P3H4: variants seen among roughly 807,000 people sequenced by gnomAD.
P3H4 encodes endoplasmic reticulum protein SC65.
Under a neutral mutation model 52.9 loss-of-function variants are expected in P3H4, and 47 were observed. That is an observed-to-expected ratio of 0.89 (90% CI 0.70 to 1.13). The LOEUF is 1.13. Ranked by LOEUF, P3H4 falls within the 50% of genes most tolerant of loss-of-function variation. The pLI, the probability that P3H4 is intolerant of heterozygous loss-of-function variation, is 0.00. For missense variants in P3H4, 585 were observed against 611.0 expected, an observed-to-expected ratio of 0.96 and a Z score of 0.45; for synonymous variants, 256 against 267.9, an observed-to-expected ratio of 0.96 and a Z score of 0.44.
rs1161614483 is a variant in P3H4, at chr17:41,811,189, C to T, written c.558G>A (p.Gln186=). Residue 186 remains glutamine (Q), a synonymous_variant, in exon 2 of 8, where the codon CAG becomes CAA. Transcript: ENST00000393928. The surrounding 1 kb of genome is among the most constrained non-coding windows in gnomAD (Gnocchi z 4.8). ...ACTCGTCGGCGACGTCCAGCATCCC[C>T]TGATAGTAGTTGAGATACTTGGCGG... is the stretch of plus-strand genomic sequence containing the variant. ...ELTAKYLNYY[Q]GMLDVADESL... 3 of 1,614,096 alleles carry T rather than the reference C, an allele frequency of 1.9e-6. No homozygotes were observed. Among genetic ancestry groups the T allele is most frequent in the East Asian group, 4.5e-5 (2 of 44,888 alleles).
rs782716134 is a variant in P3H4 at position 41,803,393 on chromosome 17, C to T, written c.1185G>A (p.Glu395=). ...CAAACTCGGCGTCAGATAGGGCATC[C>T]TCAGGCTCCAGGGGCGGTTCTGTCT... ...LEETEPPLEP[E]DALSDAEFEG... The change falls in exon 7 of 8, where the codon GAG becomes GAA. Residue 395 remains glutamate (E), a synonymous_variant. Transcript: ENST00000393928. 1 of 1,613,900 alleles carries T rather than the reference C, an allele frequency of 6.2e-7. No individual in the cohort carries two copies. Among genetic ancestry groups the T allele is most frequent in the Admixed American group, 1.7e-5 (1 of 60,000 alleles).
Position 41,802,877 on chromosome 17 carries a change from C to A in P3H4, c.*80G>T, listed in dbSNP as rs2047632202. ...CATCTTAAGTTTTTAATAAATAGTT[C>A]TTGCTGCTGCCCAGGCTGGTGAGGG... On this transcript the variant is annotated 3_prime_UTR_variant, in exon 8 of 8. Transcript: ENST00000393928. 4.1e-6 allele frequency: 6 copies of A among 1,457,434 alleles called. No individual in the cohort carries two copies. The highest frequency in any genetic ancestry group is 5.7e-6 in the Non-Finnish European group (6 of 1,046,606). The allele number at this position is 1,457,434 out of a possible 1,614,324, so 90.3% of individuals were successfully genotyped here. A position where few individuals can be genotyped will look rare whatever the true frequency, so the allele number is the denominator to read the frequency against.
chr17:41,802,786 A>C lies in P3H4; in HGVS notation c.*171T>G. On this transcript the variant is annotated 3_prime_UTR_variant, in exon 8 of 8. Transcript: ENST00000393928. ...AGGCTGGTCTTGAACTCCTGGCCTC[A>C]AGTGATCCACCCACCTTGGCCTCCC... The C allele has an allele frequency of 1.6e-6, 1 of 638,508 alleles. No individual in the cohort carries two copies. The allele number at this position is 638,508 out of a possible 1,614,324, so 39.6% of individuals were successfully genotyped here.
At chr17:41,810,664 C>T in intron 3 of P3H4, 199 bp downstream of exon 3, 1 of 607,036 alleles carries the variant, frequency 1.6e-6, no homozygotes, top group Non-Finnish European at 2.8e-6. Context: ...TTAGGGATGT[C>T]ACTGCCTCTA....
intron 5 of P3H4, 114 bp from the exon 6 acceptor site, chr17:41,806,993 A>C (rs1555614286): frequency 6.7e-6 from 5 of 742,288 alleles, no homozygotes; most frequent in Non-Finnish European, 1.2e-5. Context: ...CAAGGATCAG[A>C]GAATAGGTAT....
chr17:41,807,064 A>G (rs2047681752), intron 5 of P3H4, 185 bp from the exon 6 acceptor site: 4 of 582,166 alleles, frequency 6.9e-6, no homozygotes, highest in Non-Finnish European at 6.1e-6. Flanking sequence ...GGATTCTGAG[A>G]GTTTGGTGAC....
Position 41,811,365 on chromosome 17 carries a change from T to A in P3H4, c.463-81A>T, listed in dbSNP as rs1555615107. ...CCGAGCGCACGGCGGGCTTCGTGCC[T>A]TGGGTGAAGATAACGCTCCTTCGAC... On this transcript the variant is annotated intron_variant, in intron 1 of 7. Transcript: ENST00000393928. The surrounding 1 kb of genome is among the most constrained non-coding windows in gnomAD (Gnocchi z 4.8). 1 of 1,605,254 alleles carries A rather than the reference T, an allele frequency of 6.2e-7. No homozygotes were observed. The highest frequency in any genetic ancestry group is 8.5e-7 in the Non-Finnish European group (1 of 1,174,486).
intron 7 of P3H4, 35 bp from the exon 8 acceptor site, chr17:41,803,014 C>T (rs2047634266): frequency 1.2e-6 from 2 of 1,605,226 alleles, no homozygotes; most frequent in East Asian, 4.5e-5. Flanking sequence ...GGGGTTGCTC[C>T]CCCACCCACT....
At chr17:41,804,632 C>T (rs2144014042) in intron 6 of P3H4, among the ~76,000 whole-genome samples, 1 of 147,494 alleles carries the variant, frequency 6.8e-6, no homozygotes, top group East Asian at 2.1e-4. Flanking sequence ...GGCTGTCATT[C>T]ACTGTGCACC....
At chr17:41,803,940 G>C (rs1409825195) in intron 6 of P3H4, among the ~76,000 whole-genome samples, 1 of 151,360 alleles carries the variant, frequency 6.6e-6, no homozygotes, top group Non-Finnish European at 1.5e-5. Flanking sequence ...ACGTGAAAGG[G>C]ACCATGACTT....
At chr17:41,808,071 T>A (rs1328429309) in intron 4 of P3H4, 67 bp from the exon 5 acceptor site, 1 of 1,563,642 alleles carries the variant, frequency 6.4e-7, no homozygotes, top group African/African-American at 1.4e-5. Flanking sequence ...CATCTTCCAG[T>A]TCAGTCCAGC....
Position 41,802,483 on chromosome 17 carries a change from C to G in P3H4, c.*474G>C, listed in dbSNP as rs1300208208. The G allele has an allele frequency of 6.0e-6, 1 of 166,746 alleles. No homozygotes were observed. Among genetic ancestry groups the G allele is most frequent in the East Asian group, 1.9e-4 (1 of 5,226 alleles). The allele number at this position is 166,746 out of a possible 1,614,324, so 10.3% of individuals were successfully genotyped here. A position where few individuals can be genotyped will look rare whatever the true frequency, so the allele number is the denominator to read the frequency against. ...GTTTCACCATGTTGGCCAGGCTGGT[C>G]TTGAACTCCTGACCTCAAGTGATCG... On this transcript the variant is annotated 3_prime_UTR_variant, in exon 8 of 8. Transcript: ENST00000393928.
chr17:41,803,265 C>T (rs782217024), intron 7 of P3H4, 22 bp downstream of exon 7: 1 of 1,606,638 alleles, frequency 6.2e-7, no homozygotes, highest in Non-Finnish European at 8.5e-7. Flanking sequence ...ATCCCCACCC[C>T]CCAAGGACTC....
At chr17:41,809,656 T>C (rs782558651) in intron 4 of P3H4, 50 bp downstream of exon 4, 1 of 1,595,298 alleles carries the variant, frequency 6.3e-7, no homozygotes, top group African/African-American at 1.3e-5. Context: ...TACAGTCCTC[T>C]CCCTTATCAC....
In P3H4 at chr17:41,807,967, G is replaced by A. The variant is rs782218299; in HGVS notation, c.954C>T (p.Ser318=). ...DVRQAARSAA[S]YMLFDPKDSV... Reference sequence around the variant, plus strand: ...TGTCCTTGGGGTCGAAGAGCATGTAGCTGGCGGCGCTGCGGGCAGCCTGGC... The same window carrying A: ...TGTCCTTGGGGTCGAAGAGCATGTAACTGGCGGCGCTGCGGGCAGCCTGGC... Residue 318 remains serine (S), a synonymous_variant, in exon 5 of 8, where the codon AGC becomes AGT. Transcript: ENST00000393928. 6.2e-7 allele frequency: 1 copy of A among 1,614,124 alleles called. No homozygotes were observed. Among genetic ancestry groups the A allele is most frequent in the South Asian group, 1.1e-5 (1 of 91,076 alleles).
chr17:41,808,116 A>G (rs781905854), intron 4 of P3H4, 112 bp from the exon 5 acceptor site: 5 of 1,329,820 alleles, frequency 3.8e-6, no homozygotes, highest in Non-Finnish European at 4.1e-6. Flanking sequence ...AGAATACCTA[A>G]TGGGCTCCTT....
In P3H4 at chr17:41,802,865, T is replaced by A. The variant is rs965724030; in HGVS notation, c.*92A>T. 34 of 1,399,640 alleles carry A rather than the reference T, an allele frequency of 2.4e-5. No individual in the cohort carries two copies. Among genetic ancestry groups the A allele is most frequent in the Non-Finnish European group, 3.4e-5 (34 of 1,000,180 alleles). 86.7% of individuals were successfully genotyped at this position (1,399,640 alleles called of 1,614,324 possible). A position where few individuals can be genotyped will look rare whatever the true frequency, so the allele number is the denominator to read the frequency against. ...CCGCACCTGGCCCATCTTAAGTTTT[T>A]AATAAATAGTTCTTGCTGCTGCCCA... is the stretch of plus-strand genomic sequence containing the variant. On this transcript the variant is annotated 3_prime_UTR_variant, in exon 8 of 8. Transcript: ENST00000393928.
chr17:41,803,541 G>GCCCCTC, intron 6 of P3H4, 110 bp from the exon 7 acceptor site: 2 of 933,032 alleles, frequency 2.1e-6, no homozygotes, highest in Non-Finnish European at 3.2e-6. Context: ...GGTCCCCAAA[G>GCCCCTC]CCCCTCCCCC....
chr17:41,806,805 T>C lies in P3H4; in HGVS notation c.1137A>G (p.Ser379=). Residue 379 remains serine, a synonymous_variant, in exon 6 of 8, where the codon TCA becomes TCG. Transcript: ENST00000393928. ...LLEFTHMYLQ[S]DDEMELEETE... is the part of the protein sequence containing the mutation. ...AGCAGGAGGCACTCACCTCATCATCTGACTGCAGGTACATGTGGGTGAACT... is the reference window on the plus strand; with the variant it reads ...AGCAGGAGGCACTCACCTCATCATCCGACTGCAGGTACATGTGGGTGAACT... 2 of 1,613,556 alleles carry C rather than the reference T, an allele frequency of 1.2e-6. No homozygotes were observed. Among genetic ancestry groups the C allele is most frequent in the South Asian group, 1.1e-5 (1 of 90,922 alleles).
Sources: gnomAD v4.1 joint callset for allele counts (sites outside exome capture counted in the v4.1 genomes callset) on GRCh38, gnomAD v4.1.1 for gene constraint, Gnocchi (gnomAD v3.1) non-coding constraint, MANE v1.5 for transcripts, NCBI Gene and HGNC (gene_info 2026-07-23, HGNC 2026-07-21) for gene names.